MPPED2: variants seen among roughly 807,000 people sequenced by gnomAD.
The protein encoded by MPPED2 is metallophosphoesterase MPPED2.
Under a neutral mutation model 33.0 loss-of-function variants are expected in MPPED2, and 5 were observed. That is an observed-to-expected ratio of 0.15 (90% CI 0.08 to 0.32). The LOEUF is 0.32. Among genes scored for constraint, MPPED2 ranks in the 10% least tolerant of loss-of-function variants. The pLI is 1.00. For missense variants in MPPED2, 275 were observed against 372.1 expected, an observed-to-expected ratio of 0.74 and a Z score of 2.15; for synonymous variants, 136 against 141.9, an observed-to-expected ratio of 0.96 and a Z score of 0.29.
chr11:30,407,921 AT>A (rs912836054), downstream of MPPED2, among the ~76,000 whole-genome samples: 52 of 152,106 alleles, frequency 3.4e-4, no homozygotes, highest in African/African-American at 1.2e-3. Flanking sequence ...AATTAAATAT[AT>A]TTTTTTAAAA....
chr11:30,408,414 T>A (rs529666582), downstream of MPPED2, among the ~76,000 whole-genome samples: 1 of 152,268 alleles, frequency 6.6e-6, no homozygotes, highest in Non-Finnish European at 1.5e-5. Context: ...TGGGTTCAAG[T>A]GATTCTCCTA....
At position 30,449,731 on chromosome 11, in the gene MPPED2, T is replaced by C. The variant is rs1949968593; in HGVS notation, c.537-32098A>G. 2.0e-5 allele frequency among the ~76,000 whole-genome samples: 3 copies of C among 152,208 alleles called. No individual in the cohort carries two copies. In the South Asian group the frequency reaches 6.2e-4, roughly 31 times the overall value. On this transcript the variant is annotated intron_variant, in intron 4 of 6. Coordinates refer to ENST00000358117, the MANE Select transcript of MPPED2 (RefSeq NM_001584.3). Reference sequence around the variant, plus strand: ...ACAGGGCATAAACTTCCATTTGTGATGGTGGTATAAATTTCCCTTCCTCCT... The same window carrying C: ...ACAGGGCATAAACTTCCATTTGTGACGGTGGTATAAATTTCCCTTCCTCCT...
intron 2 of MPPED2, among the ~76,000 whole-genome samples, chr11:30,561,428 C>A (rs544510682): frequency 6.6e-6 from 1 of 152,240 alleles, no homozygotes; most frequent in East Asian, 1.9e-4. Flanking sequence ...CTGCCAAATG[C>A]CATCTCTGAA....
chr11:30,475,658 T>A (rs1951159751), intron 4 of MPPED2, among the ~76,000 whole-genome samples: 1 of 152,178 alleles, frequency 6.6e-6, no homozygotes, highest in African/African-American at 2.4e-5. Context: ...TGAGTAGTAT[T>A]CCAATGTACA....
At chr11:30,405,889 T>C (rs939286940), downstream of MPPED2, among the ~76,000 whole-genome samples, 8 of 152,198 alleles carry the variant, frequency 5.3e-5, no homozygotes, top group African/African-American at 1.9e-4. Flanking sequence ...ATTCCTTTTC[T>C]ACAAGTGTGG....
chr11:30,401,093 A>T (rs918580508), intron 6 of MPPED2, among the ~76,000 whole-genome samples: 1 of 152,200 alleles, frequency 6.6e-6, no homozygotes, highest in African/African-American at 2.4e-5. Flanking sequence ...GAATTTACTG[A>T]TACCTTTTTC....
intron 4 of MPPED2, among the ~76,000 whole-genome samples, chr11:30,421,740 A>G (rs1421252808): frequency 6.6e-6 from 1 of 152,174 alleles, no homozygotes; most frequent in African/African-American, 2.4e-5. Context: ...ACCTACTAGC[A>G]CAATTTCAGT....
rs537253723 is a variant in MPPED2 at position 30,576,488 on chromosome 11, T to C, written c.128+3758A>G. 1.2e-4 allele frequency among the ~76,000 whole-genome samples: 18 copies of C among 152,274 alleles called. No individual in the cohort carries two copies. In the East Asian group the frequency reaches 3.1e-3, roughly 26 times the overall value. ...TTAACCTGAGTAGGGTATCCTATTGTCCTATGGCATTCCAATAACACGGGG... is the reference window on the plus strand; with the variant it reads ...TTAACCTGAGTAGGGTATCCTATTGCCCTATGGCATTCCAATAACACGGGG... On this transcript the variant is annotated intron_variant, in intron 2 of 6. Coordinates refer to ENST00000358117, the MANE Select transcript of MPPED2 (RefSeq NM_001584.3).
chr11:30,403,628 T>C (rs1446987879), intron 6 of MPPED2, among the ~76,000 whole-genome samples: 1 of 152,220 alleles, frequency 6.6e-6, no homozygotes, highest in Non-Finnish European at 1.5e-5. Flanking sequence ...TCTATGCCAT[T>C]TGATGCTTCA....
chr11:30,418,215 C>G (rs981988190), intron 4 of MPPED2, among the ~76,000 whole-genome samples: 1 of 152,168 alleles, frequency 6.6e-6, no homozygotes, highest in African/African-American at 2.4e-5. Flanking sequence ...AGAAGGAACA[C>G]AGTAAACAGA....
At chr11:30,527,172 C>T (rs1328930496) in intron 3 of MPPED2, among the ~76,000 whole-genome samples, 2 of 151,940 alleles carry the variant, frequency 1.3e-5, no homozygotes, top group Non-Finnish European at 2.9e-5. Flanking sequence ...CCTCGTGATC[C>T]GCCCGTCTCG....
At chr11:30,474,856 G>T (rs1951108921) in intron 4 of MPPED2, among the ~76,000 whole-genome samples, 1 of 152,086 alleles carries the variant, frequency 6.6e-6, no homozygotes, top group African/African-American at 2.4e-5. Flanking sequence ...CTTATTACTT[G>T]CAGCCAAAAG....
chr11:30,481,508 T>C (rs571704799), intron 4 of MPPED2, among the ~76,000 whole-genome samples: 3 of 152,158 alleles, frequency 2.0e-5, no homozygotes, highest in African/African-American at 7.2e-5. Flanking sequence ...TCGACCTGTT[T>C]TGCAGACTGA....
intron 4 of MPPED2, among the ~76,000 whole-genome samples, chr11:30,436,485 C>T (rs1949332422): frequency 6.6e-6 from 1 of 152,196 alleles, no homozygotes; most frequent in African/African-American, 2.4e-5. Flanking sequence ...AGGCAACCCT[C>T]CTGAATTCAA....
chr11:30,516,243 C>T (rs1424493088), intron 3 of MPPED2, among the ~76,000 whole-genome samples: 1 of 152,122 alleles, frequency 6.6e-6, no homozygotes, highest in East Asian at 1.9e-4. Context: ...ATTAAGCTCG[C>T]TCCCTTCTAG....
intron 3 of MPPED2, among the ~76,000 whole-genome samples, chr11:30,528,103 T>G (rs1954303124): frequency 6.6e-6 from 1 of 151,678 alleles, no homozygotes; most frequent in Non-Finnish European, 1.5e-5. Context: ...TACTCATGCT[T>G]GTAACCTAAT....
At chr11:30,429,010 A>C (rs866227731) in intron 4 of MPPED2, 7 of 152,232 alleles carry the variant, frequency 4.6e-5, no homozygotes, top group South Asian at 2.1e-4. Flanking sequence ...GATCTGTCAC[A>C]AAGCAATGGA....
intron 2 of MPPED2, among the ~76,000 whole-genome samples, chr11:30,562,931 A>G (rs944934756): frequency 6.6e-6 from 1 of 152,158 alleles, no homozygotes; most frequent in Non-Finnish European, 1.5e-5. Flanking sequence ...GCAGACAAGG[A>G]TTGGGGGTTT....
At chr11:30,485,466 G>GTAAAATTTACACATGTTACACA (rs1951694967) in intron 4 of MPPED2, among the ~76,000 whole-genome samples, 1 of 152,136 alleles carries the variant, frequency 6.6e-6, no homozygotes, top group African/African-American at 2.4e-5. Context: ...CATAACATGT[G>GTAAAATTTACACATGTTACACA]TAACAAGGTA....
Sources: allele counts gnomAD v4.1 joint callset (sites outside exome capture counted in the v4.1 genomes callset), GRCh38; gene constraint gnomAD v4.1.1; transcripts MANE v1.5; gene names NCBI Gene and HGNC (gene_info 2026-07-23, HGNC 2026-07-21).